Variants in INPP5A observed in about 807,000 individuals in gnomAD.
INPP5A encodes 43 kDa inositol polyphosphate 5-phophatase.
A neutral mutation model predicts 65.2 loss-of-function variants in INPP5A; 14 were observed. That is an observed-to-expected ratio of 0.21 (90% confidence interval 0.14 to 0.34). The LOEUF (loss-of-function observed/expected upper bound fraction) is 0.34. Ranked by LOEUF, INPP5A falls within the 10% of genes least tolerant of loss-of-function variation. The pLI, the probability that INPP5A is intolerant of heterozygous loss-of-function variation, is 1.00. For missense variants in INPP5A, 431 were observed against 545.6 expected (o/e 0.79, Z 2.09); for synonymous variants, 207 against 208.3 (o/e 0.99, Z 0.05).
intron 1 of INPP5A, among the ~76,000 whole-genome samples, chr10:132,596,578 C>A (rs1343736231): frequency 6.6e-6 from 1 of 152,134 alleles, no homozygotes; most frequent in African/African-American, 2.4e-5. Context: ...CAGGCACCCA[C>A]CACCATGCCC....
In INPP5A at chr10:132,697,836, G is replaced by C. The variant is rs142268843; in HGVS notation, c.391G>C (p.Ala131Pro). The C allele has an allele frequency of 6.2e-7, 1 of 1,613,156 alleles. No individual in the cohort carries two copies. Among genetic ancestry groups the C allele is most frequent in the Non-Finnish European group, 8.5e-7 (1 of 1,179,304 alleles). ...TCCAGCTAAGAAGTATAGAAAGGTC[G>C]CTGGCAAAGAGATCTACTCGGATAC... ...DFKAKKYRKV[A>P]GKEIYSDTLE... The change falls in exon 6 of 16, where the codon GCT (alanine) becomes CCT (proline). Residue 131 changes from alanine to proline, a missense_variant. Ala to Pro is a conservative substitution (Grantham distance 27). Transcript: ENST00000368594. This position sits in a 1 kb window ranked among gnomAD's most constrained non-coding sequence, Gnocchi z 5.6.
chr10:132,588,933 TCGCCA>T (rs1484097917), intron 1 of INPP5A, among the ~76,000 whole-genome samples: 1 of 151,828 alleles, frequency 6.6e-6, no homozygotes, highest in African/African-American at 2.4e-5. Flanking sequence ...CTGGTGTGTG[TCGCCA>T]TCGCTGGTCA....
chr10:132,628,126 C>A (rs1223007544), intron 2 of INPP5A, among the ~76,000 whole-genome samples: 1 of 152,212 alleles, frequency 6.6e-6, no homozygotes, highest in Non-Finnish European at 1.5e-5. Context: ...AGACCTCCTG[C>A]CAGTGGTCTG....
intron 4 of INPP5A, among the ~76,000 whole-genome samples, chr10:132,671,685 G>T (rs1413633289): frequency 6.6e-6 from 1 of 152,238 alleles, no homozygotes. Context: ...GTTGGCACAT[G>T]AGCTTCCTGA....
Position 132,782,280 on chromosome 10 carries a change from A to G in INPP5A, c.*251A>G, listed in dbSNP as rs1847178730. ...TTTTTTTTTTTTTTAAATAAGTCAC[A>G]GTCCTGTTGTCAAAACTCTAATAGA... On this transcript the variant is annotated 3_prime_UTR_variant, in exon 16 of 16. Coordinates refer to ENST00000368594, the MANE Select transcript of INPP5A (RefSeq NM_005539.5). The surrounding 1 kb of genome is among the most constrained non-coding windows in gnomAD (Gnocchi z 4.4). 1 of 383,086 alleles carries G rather than the reference A, an allele frequency of 2.6e-6. No homozygotes were observed. Among genetic ancestry groups the G allele is most frequent in the African/African-American group, 2.2e-5 (1 of 46,408 alleles). 23.7% of individuals were successfully genotyped at this position (383,086 alleles called of 1,614,324 possible).
At chr10:132,729,942 C>T (rs370744230) in intron 9 of INPP5A, among the ~76,000 whole-genome samples, 4 of 152,212 alleles carry the variant, frequency 2.6e-5, no homozygotes, top group Non-Finnish European at 4.4e-5. Context: ...GCTGCTCGAG[C>T]GGCTGGTGGA....
At chr10:132,712,409 G>A (rs946748138) in intron 8 of INPP5A, among the ~76,000 whole-genome samples, 1 of 150,992 alleles carries the variant, frequency 6.6e-6, no homozygotes, top group African/African-American at 2.4e-5. Context: ...GTGGGTGCAC[G>A]AGTGCATACA....
chr10:132,582,713 T>C (rs1256966437), intron 1 of INPP5A, among the ~76,000 whole-genome samples: 2 of 152,212 alleles, frequency 1.3e-5, no homozygotes, highest in Non-Finnish European at 2.9e-5. Context: ...GATACTTTGT[T>C]TTTCTCCATT....
chr10:132,633,971 T>C (rs1218263280), intron 2 of INPP5A, among the ~76,000 whole-genome samples: 1 of 152,208 alleles, frequency 6.6e-6, no homozygotes, highest in Non-Finnish European at 1.5e-5. Context: ...CCCCTGAGCA[T>C]TTGAAGCAAA....
intron 11 of INPP5A, among the ~76,000 whole-genome samples, chr10:132,761,339 T>G (rs1846729332): frequency 6.6e-6 from 1 of 152,242 alleles, no homozygotes; most frequent in Admixed American, 6.5e-5. Context: ...CAGTGCACTG[T>G]GGGGGCATGT....
intron 1 of INPP5A, 25 bp from the exon 2 acceptor site, chr10:132,607,889 CT>C: frequency 1.2e-6 from 2 of 1,603,832 alleles, no homozygotes. Flanking sequence ...GTCTGACTGG[CT>C]TTTCTTTTTC....
rs1286377010 is a variant in INPP5A at position 132,555,787 on chromosome 10, C to T, written c.75+17616C>T. The stretch of plus-strand genomic sequence containing the variant: ...CACACTCTGCAGGGTGTTTTGTTGC[C>T]CTCAGCACGTGTGGTCTGCACAGAC... On this transcript the variant is annotated intron_variant, in intron 1 of 15. Coordinates refer to ENST00000368594, the MANE Select transcript of INPP5A (RefSeq NM_005539.5). The surrounding 1 kb of genome is among the most constrained non-coding windows in gnomAD (Gnocchi z 4.4). Among the ~76,000 whole-genome samples, 2 of 152,168 alleles carry T rather than the reference C, an allele frequency of 1.3e-5. No individual in the cohort carries two copies. Among genetic ancestry groups the T allele is most frequent in the Non-Finnish European group, 2.9e-5 (2 of 68,018 alleles).
rs2072207215 is a variant in INPP5A at position 132,627,777 on chromosome 10, T to C, written c.118-18091T>C. Among the ~76,000 whole-genome samples, 1 of 152,132 alleles carries C rather than the reference T, an allele frequency of 6.6e-6. No individual in the cohort carries two copies. The highest frequency in any genetic ancestry group is 1.9e-4 in the East Asian group (1 of 5,192). On this transcript the variant is annotated intron_variant, in intron 2 of 15. Transcript: ENST00000368594. This position sits in a 1 kb window ranked among gnomAD's most constrained non-coding sequence, Gnocchi z 6.6. Reference sequence around the variant, plus strand: ...CTTCCCCGTGAAAAGCTTCAGACTTTCTTCATCCTCAGGGTAACGGCAGCC... The same window carrying C: ...CTTCCCCGTGAAAAGCTTCAGACTTCCTTCATCCTCAGGGTAACGGCAGCC...
In INPP5A at chr10:132,707,501, T is replaced by C. The variant is rs1475958921; in HGVS notation, c.475-812T>C. 6.6e-6 allele frequency among the ~76,000 whole-genome samples: 1 copy of C among 152,196 alleles called. No homozygotes were observed. The highest frequency in any genetic ancestry group is 2.4e-5 in the African/African-American group (1 of 41,440). ...TAAAATTAATGAAGATAAAATGGAA[T>C]CTAAAATTCAGTTCTTCAGTCATAC... On this transcript the variant is annotated intron_variant, in intron 6 of 15. Transcript: ENST00000368594. The surrounding 1 kb of genome is among the most constrained non-coding windows in gnomAD (Gnocchi z 5.5).
chr10:132,583,276 G>C (rs1374635519), intron 1 of INPP5A, among the ~76,000 whole-genome samples: 1 of 152,194 alleles, frequency 6.6e-6, no homozygotes. Flanking sequence ...CTAATCTCGT[G>C]TCCTATGGCC....
In INPP5A at chr10:132,675,256, G is replaced by T. The variant is rs1008229041; in HGVS notation, c.307-15136G>T. Among the ~76,000 whole-genome samples, 1 of 152,362 alleles carries T rather than the reference G, an allele frequency of 6.6e-6. No homozygotes were observed. Among genetic ancestry groups the T allele is most frequent in the East Asian group, 1.9e-4 (1 of 5,186 alleles). Reference sequence around the variant, plus strand: ...GGTAACCGCAGGGGACGGTGCAGCCGCATCTTCCGTGTCCTTGGAGGAAAT... The same window carrying T: ...GGTAACCGCAGGGGACGGTGCAGCCTCATCTTCCGTGTCCTTGGAGGAAAT... On this transcript the variant is annotated intron_variant, in intron 4 of 15. Coordinates refer to ENST00000368594, the MANE Select transcript of INPP5A (RefSeq NM_005539.5). This position sits in a 1 kb window ranked among gnomAD's most constrained non-coding sequence, Gnocchi z 4.2.
rs546116962 is a variant in INPP5A, at chr10:132,675,549, C to T, written c.307-14843C>T. 2.0e-5 allele frequency among the ~76,000 whole-genome samples: 3 copies of T among 152,194 alleles called. No homozygotes were observed. The highest frequency in any genetic ancestry group is 3.9e-4 in the East Asian group (2 of 5,178). The stretch of plus-strand genomic sequence containing the variant: ...GTGCGGTTGAGCATGGGGGTGGGTG[C>T]GTGTGGAGTGAGCGTTCCAGGGGCC... On this transcript the variant is annotated intron_variant, in intron 4 of 15. Coordinates refer to ENST00000368594, the MANE Select transcript of INPP5A (RefSeq NM_005539.5). This position sits in a 1 kb window ranked among gnomAD's most constrained non-coding sequence, Gnocchi z 4.2.
At chr10:132,586,319 G>A (rs1000384219) in intron 1 of INPP5A, among the ~76,000 whole-genome samples, 2 of 152,226 alleles carry the variant, frequency 1.3e-5, no homozygotes, top group African/African-American at 4.8e-5. Context: ...CCAGGACGGG[G>A]ACTTGGCACA....
At chr10:132,607,325 G>A (rs759127906) in intron 1 of INPP5A, among the ~76,000 whole-genome samples, 5 of 152,234 alleles carry the variant, frequency 3.3e-5, no homozygotes, top group Non-Finnish European at 7.3e-5. Context: ...GTGTGTGCAC[G>A]CCTGTGGCAT....
Sources: allele counts gnomAD v4.1 joint callset (sites outside exome capture counted in the v4.1 genomes callset), GRCh38; gene constraint gnomAD v4.1.1; non-coding constraint Gnocchi (gnomAD v3.1); transcripts MANE v1.5; gene names NCBI Gene and HGNC (gene_info 2026-07-23, HGNC 2026-07-21).